The following APOBR variants were observed in gnomAD, a reference collection of about 807,000 sequenced individuals.
APOBR encodes the protein apolipoprotein B receptor.
Under a neutral mutation model 88.5 loss-of-function variants are expected in APOBR, and 57 were observed. That is an observed-to-expected ratio of 0.64 (90% CI 0.52 to 0.80). APOBR has a LOEUF of 0.80. Among genes scored for constraint, APOBR ranks in the 30% least tolerant of loss-of-function variants. The pLI, the probability that APOBR is intolerant of heterozygous loss-of-function variation, is 0.00. For synonymous variants in APOBR, 588 were observed against 572.7 expected (o/e 1.03, Z -0.38); for missense variants, 1,443 against 1,401.6 (o/e 1.03, Z -0.47).
Position 28,497,334 on chromosome 16 carries a change from A to G in APOBR, c.2293A>G (p.Met765Val), listed in dbSNP as rs1376541433. The G allele has an allele frequency of 1.9e-6, 3 of 1,605,058 alleles. No individual in the cohort carries two copies. Among genetic ancestry groups the G allele is most frequent in the Non-Finnish European group, 2.6e-6 (3 of 1,176,222 alleles). Residue 765 changes from methionine (M) to valine (V), a missense_variant, in exon 2 of 4, where the codon ATG becomes GTG. Physicochemically the swap from Met to Val is conservative, Grantham distance 21. Transcript: ENST00000564831. ...GACTGGCTCTGTGGCTGCTGGGATT[A>G]TGGGGGGTGATGTGGTCCCACACAT... The part of the protein sequence containing the change: ...AQTGSVAAGI[M>V]GGDVVPHISA...
At chr16:28,494,911 C>T in intron 1 of APOBR, 173 bp downstream of exon 1, 1 of 848,428 alleles carries the variant, frequency 1.2e-6, no homozygotes, top group Non-Finnish European at 1.8e-6. Context: ...AATTTCAGTC[C>T]CCACCTCCAA....
rs543201059 is a variant in APOBR, at chr16:28,496,865, C to T, written c.1824C>T (p.His608=). ...GGAGCCTGGAGGCAGGTCCCAGGCA[C>T]GCGGGGTCTGTAAAGCCTGAGGCCT... ...QERSLEAGPR[H]AGSVKPEASE... Residue 608 remains histidine, a synonymous_variant, in exon 2 of 4, where the codon CAC becomes CAT. Transcript: ENST00000564831. 2.5e-5 allele frequency: 39 copies of T among 1,559,168 alleles called. No individual in the cohort carries two copies. The African/African-American group carries it at 3.5e-4, about 14-fold the overall frequency.
intron 1 of APOBR, 172 bp from the exon 2 acceptor site, chr16:28,494,927 C>T: frequency 3.6e-6 from 3 of 832,014 alleles, no homozygotes; most frequent in Admixed American, 3.0e-5. Context: ...TCCAACCATG[C>T]GTCCTCGTAC....
Position 28,496,692 on chromosome 16 carries a change from T to TG in APOBR, c.1655dup (p.Gly553TrpfsTer13), listed in dbSNP as rs1287888795. ...TAGCTGTGGCCTACTGGGCGTGGAA[T>TG]GGGGTGGCCTCACACACAGCGTCAC... is the stretch of plus-strand genomic sequence containing the variant. On this transcript the variant is annotated frameshift_variant, in exon 2 of 4. Transcript: ENST00000564831. LOFTEE classifies it high-confidence loss of function. The TG allele has an allele frequency of 6.2e-7, 1 of 1,604,386 alleles. No homozygotes were observed. Among genetic ancestry groups the TG allele is most frequent in the Non-Finnish European group, 8.5e-7 (1 of 1,175,784 alleles).
At position 28,497,702 on chromosome 16, in the gene APOBR, G is replaced by C; in HGVS notation, c.2661G>C (p.Glu887Asp). Residue 887 changes from glutamate (E) to aspartate (D), a missense_variant, in exon 2 of 4, where the codon GAG becomes GAC. Coordinates refer to ENST00000564831, the MANE Select transcript of APOBR (RefSeq NM_018690.4). ...AAAAGTGGACGCTGTTGGAAGAAGA[G>C]GCTGTTGGATGGCAGGAGAGAGAAC... ...LLEKWTLLEE[E>D]AVGWQEREQR... The C allele has an allele frequency of 6.2e-7, 1 of 1,604,378 alleles. No individual in the cohort carries two copies. The highest frequency in any genetic ancestry group is 1.7e-4 in the Middle Eastern group (1 of 6,048).
In APOBR at chr16:28,496,406, A is replaced by G. The variant is rs1188737788; in HGVS notation, c.1365A>G (p.Ala455=). ...GGGAAGCTGTGGGAGGCCAGGAGGC[A>G]GGGGAGAGCTTTGAGGGCCAGGTAG... The part of the protein sequence containing the change: ...AGREAVGGQE[A]GESFEGQVDL... Residue 455 remains alanine (A), a synonymous_variant, in exon 2 of 4, where the codon GCA becomes GCG. Coordinates refer to ENST00000564831, the MANE Select transcript of APOBR (RefSeq NM_018690.4). The G allele has an allele frequency of 1.9e-6, 3 of 1,611,658 alleles. No individual in the cohort carries two copies. The highest frequency in any genetic ancestry group is 1.7e-4 in the Middle Eastern group (1 of 6,024).
At position 28,495,113 on chromosome 16, in the gene APOBR, C is replaced by T. The variant is rs763690828; in HGVS notation, c.72C>T (p.Thr24=). The T allele has an allele frequency of 9.8e-6, 15 of 1,526,244 alleles. 1 individual carries two copies. Among genetic ancestry groups the T allele is most frequent in the South Asian group, 6.4e-5 (5 of 77,862 alleles). The allele number at this position is 1,526,244 out of a possible 1,614,324, so 94.5% of individuals were successfully genotyped here. A position where few individuals can be genotyped will look rare whatever the true frequency, so the allele number is the denominator to read the frequency against. The change falls in exon 2 of 4, where the codon ACC becomes ACT. Residue 24 remains threonine (T), a synonymous_variant. Transcript: ENST00000564831. The part of the protein sequence containing the change: ...ALRGALDSLG[T]FVSYLLGDAV... ...TTTTTTCCTAGGATTCCCTCGGCAC[C>T]TTTGTCTCCTACCTCCTGGGAGATG...
Position 28,497,902 on chromosome 16 carries a change from C to G in APOBR, c.2861C>G (p.Ala954Gly). Reference sequence around the variant, plus strand: ...CAGGAGGAGCAGCCAACACACCAGGCCCCTGCAGAAGCTGCGCCGGAGTCA... The same window carrying G: ...CAGGAGGAGCAGCCAACACACCAGGGCCCTGCAGAAGCTGCGCCGGAGTCA... ...RGQEEQPTHQ[A>G]PAEAAPESVG... Residue 954 changes from alanine to glycine, a missense_variant, in exon 2 of 4, where the codon GCC becomes GGC. By Grantham distance (60) the Ala-to-Gly change is moderately conservative. Transcript: ENST00000564831. 6.2e-7 allele frequency: 1 copy of G among 1,613,580 alleles called. No individual in the cohort carries two copies. The highest frequency in any genetic ancestry group is 1.7e-5 in the Admixed American group (1 of 59,962).
At chr16:28,494,910 C>T (rs570965231) in intron 1 of APOBR, 172 bp downstream of exon 1, 2 of 846,124 alleles carry the variant, frequency 2.4e-6, no homozygotes, top group East Asian at 5.5e-5. Context: ...GAATTTCAGT[C>T]CCCACCTCCA....
rs747438091 is a variant in APOBR at position 28,495,422 on chromosome 16, C to T, written c.381C>T (p.Ala127=). 64 of 1,560,960 alleles carry T rather than the reference C, an allele frequency of 4.1e-5. No individual in the cohort carries two copies. Among genetic ancestry groups the T allele is most frequent in the Non-Finnish European group, 5.2e-5 (60 of 1,152,974 alleles). Residue 127 remains alanine, a synonymous_variant, in exon 2 of 4, where the codon GCC becomes GCT. Transcript: ENST00000564831. ...DSGAGETAKA[A]RCQEPSAHLE... is the part of the protein sequence containing the mutation. ...GGGCTGGGGAGACAGCCAAGGCTGC[C>T]AGGTGCCAGGAGCCAAGCGCCCACT... is the stretch of plus-strand genomic sequence containing the variant.
At position 28,495,342 on chromosome 16, in the gene APOBR, T is replaced by G. The variant is rs374888088; in HGVS notation, c.301T>G (p.Trp101Gly). 1 of 1,556,652 alleles carries G rather than the reference T, an allele frequency of 6.4e-7. No individual in the cohort carries two copies. The highest frequency in any genetic ancestry group is 8.7e-7 in the Non-Finnish European group (1 of 1,151,136). The change falls in exon 2 of 4, where the codon TGG (tryptophan) becomes GGG (glycine). Residue 101 changes from tryptophan to glycine, a missense_variant. Coordinates refer to ENST00000564831, the MANE Select transcript of APOBR (RefSeq NM_018690.4). The stretch of plus-strand genomic sequence containing the variant: ...GGGGAGCTCAGCTGTAGAACAGACC[T>G]GGGGCTGGGGAGATGGCAGCTCCCA... ...EVGSSAVEQT[W>G]GWGDGSSHGS...
rs1388242295 is a variant in APOBR at position 28,496,719 on chromosome 16, A to C, written c.1678A>C (p.Lys560Gln). The change falls in exon 2 of 4, where the codon AAA becomes CAA. Residue 560 changes from lysine (K) to glutamine (Q), a missense_variant. Physicochemically the swap from Lys to Gln is moderately conservative, Grantham distance 53 (BLOSUM62 1). Transcript: ENST00000564831. ...EWGGLTHSVT[K>Q]GQGPELMGGA... ...GGGTGGCCTCACACACAGCGTCACC[A>C]AAGGCCAAGGACCTGAGCTGATGGG... 1.9e-6 allele frequency: 3 copies of C among 1,600,280 alleles called. No homozygotes were observed. Among genetic ancestry groups the C allele is most frequent in the East Asian group, 4.5e-5 (2 of 44,376 alleles).
Position 28,496,493 on chromosome 16 carries a change from G to A in APOBR, c.1452G>A (p.Arg484=), listed in dbSNP as rs1401237971. 1.3e-6 allele frequency: 2 copies of A among 1,599,310 alleles called. No individual in the cohort carries two copies. Among genetic ancestry groups the A allele is most frequent in the South Asian group, 2.3e-5 (2 of 88,780 alleles). Residue 484 remains arginine (R), a synonymous_variant, in exon 2 of 4, where the codon AGG becomes AGA. Transcript: ENST00000564831. ...QDLGIRADRA[R]MEELVQAEEA... ...TGGGGATCAGGGCCGACCGGGCCAG[G>A]ATGGAAGAGCTGGTACAGGCAGAGG...
chr16:28,496,389 G>A lies in APOBR; in HGVS notation c.1348G>A (p.Val450Met). 1 of 1,609,030 alleles carries A rather than the reference G, an allele frequency of 6.2e-7. No homozygotes were observed. Among genetic ancestry groups the A allele is most frequent in the South Asian group, 1.1e-5 (1 of 90,328 alleles). ...AESQTAGREA[V>M]GGQEAGESFE... ...GAGCCAGACCGCAGGGAGGGAAGCT[G>A]TGGGAGGCCAGGAGGCAGGGGAGAG... is the stretch of plus-strand genomic sequence containing the variant. The change falls in exon 2 of 4, where the codon GTG becomes ATG. Residue 450 changes from valine to methionine, a missense_variant. Val to Met is a conservative substitution (Grantham distance 21). Coordinates refer to ENST00000564831, the MANE Select transcript of APOBR (RefSeq NM_018690.4).
In APOBR at chr16:28,497,920, C is replaced by T. The variant is rs764823228; in HGVS notation, c.2879C>T (p.Pro960Leu). The change falls in exon 2 of 4, where the codon CCG becomes CTG. Residue 960 changes from proline (P) to leucine (L), a missense_variant. Pro to Leu is a moderately conservative substitution (Grantham distance 98). Coordinates refer to ENST00000564831, the MANE Select transcript of APOBR (RefSeq NM_018690.4). ...PTHQAPAEAA[P>L]ESVGEAETAE... ...CACCAGGCCCCTGCAGAAGCTGCGC[C>T]GGAGTCAGTCGGGGAAGCCGAGACG... is the stretch of plus-strand genomic sequence containing the variant. The T allele has an allele frequency of 1.1e-5, 18 of 1,613,420 alleles. No individual in the cohort carries two copies. Among genetic ancestry groups the T allele is most frequent in the African/African-American group, 6.7e-5 (5 of 74,860 alleles).
In APOBR at chr16:28,497,042, G is replaced by A; in HGVS notation, c.2001G>A (p.Glu667=). The change falls in exon 2 of 4, where the codon GAG becomes GAA. Residue 667 remains glutamate, a synonymous_variant. Coordinates refer to ENST00000564831, the MANE Select transcript of APOBR (RefSeq NM_018690.4). ...CGGCTGAGGCTGAAGGAGACCGAGA[G>A]TCTGAACTATCAGAAGTCCCAGAGG... ...TLAAEAEGDR[E]SELSEVPEAG... is the part of the protein sequence containing the mutation. The A allele has an allele frequency of 3.1e-6, 5 of 1,587,990 alleles. No individual in the cohort carries two copies. The highest frequency in any genetic ancestry group is 4.3e-6 in the Non-Finnish European group (5 of 1,167,804).
chr16:28,498,716 G>A lies in APOBR; in HGVS notation c.*211G>A. ...GTCTGATTCTCCGACACAGGCTGGTGGACCACCTACCCCACTGAGACCACC... is the reference window on the plus strand; with the variant it reads ...GTCTGATTCTCCGACACAGGCTGGTAGACCACCTACCCCACTGAGACCACC... On this transcript the variant is annotated 3_prime_UTR_variant, in exon 4 of 4. Transcript: ENST00000564831. 3.2e-6 allele frequency: 2 copies of A among 632,378 alleles called. No individual in the cohort carries two copies. The highest frequency in any genetic ancestry group is 2.0e-5 in the South Asian group (1 of 50,886). The allele number at this position is 632,378 out of a possible 1,614,324, so 39.2% of individuals were successfully genotyped here.
In APOBR at chr16:28,498,315, C is replaced by T; in HGVS notation, c.3190C>T (p.Pro1064Ser). The part of the protein sequence containing the change: ...EPSPLRHDGT[P>S]VPARRRPLGH... ...AAGCCCTCTGAGGCATGATGGGACCCCGGTGCCAGCCAGGAGAAGGCCCCT... is the reference window on the plus strand; with the variant it reads ...AAGCCCTCTGAGGCATGATGGGACCTCGGTGCCAGCCAGGAGAAGGCCCCT... The change falls in exon 3 of 4, where the codon CCG (proline) becomes TCG (serine). Residue 1064 changes from proline to serine, a missense_variant. Pro to Ser is a moderately conservative substitution (Grantham distance 74). Coordinates refer to ENST00000564831, the MANE Select transcript of APOBR (RefSeq NM_018690.4). 6.3e-7 allele frequency: 1 copy of T among 1,598,822 alleles called. No individual in the cohort carries two copies. The highest frequency in any genetic ancestry group is 1.1e-5 in the South Asian group (1 of 88,970).
In APOBR at chr16:28,498,579, C is replaced by A; in HGVS notation, c.*74C>A. On this transcript the variant is annotated 3_prime_UTR_variant, in exon 4 of 4. Transcript: ENST00000564831. Reference sequence around the variant, plus strand: ...CTTGCTCCAATGCCACTGAGCCCTGCTCCCTCTGCCACTGTGGACACATCC... The same window carrying A: ...CTTGCTCCAATGCCACTGAGCCCTGATCCCTCTGCCACTGTGGACACATCC... 6.7e-7 allele frequency: 1 copy of A among 1,485,854 alleles called. No individual in the cohort carries two copies. 92.0% of individuals were successfully genotyped at this position (1,485,854 alleles called of 1,614,324 possible).
Sources: gnomAD v4.1 joint callset for allele counts on GRCh38, gnomAD v4.1.1 for gene constraint, MANE v1.5 for transcripts, NCBI Gene and HGNC (gene_info 2026-07-23, HGNC 2026-07-21) for gene names.